The following UBE3D variants were observed in gnomAD, a reference collection of about 807,000 sequenced individuals.
The protein encoded by UBE3D is ubiquitin protein ligase E3D.
In UBE3D, 48 loss-of-function variants were observed where a neutral mutation model predicts 49.6. That is an observed-to-expected ratio of 0.97 (90% CI 0.77 to 1.23). UBE3D has a LOEUF of 1.23. Ranked by LOEUF, UBE3D falls within the 50% of genes most tolerant of loss-of-function variation. The probability of loss-of-function intolerance (pLI) is 0.00; values close to 1 mark genes in which losing one functional copy is unlikely to be tolerated. For missense variants in UBE3D, 452 were observed against 468.4 expected, an observed-to-expected ratio of 0.96 and a Z score of 0.32; for synonymous variants, 189 against 174.2, an observed-to-expected ratio of 1.08 and a Z score of -0.67.
At chr6:82,982,801 G>T (rs974986803) in intron 8 of UBE3D, among the ~76,000 whole-genome samples, 1 of 152,008 alleles carries the variant, frequency 6.6e-6, no homozygotes, top group African/African-American at 2.4e-5. Flanking sequence ...CCAATTCTAC[G>T]CTGTTTTCAT....
At chr6:82,897,246 T>G (rs1021618741) in intron 9 of UBE3D, among the ~76,000 whole-genome samples, 2 of 152,166 alleles carry the variant, frequency 1.3e-5, no homozygotes, top group Admixed American at 1.3e-4. Flanking sequence ...AGGCTGTTTT[T>G]ATGGTGGAAA....
At chr6:83,040,567 GA>G (rs997108233) in intron 4 of UBE3D, among the ~76,000 whole-genome samples, 1 of 152,122 alleles carries the variant, frequency 6.6e-6, no homozygotes, top group African/African-American at 2.4e-5. Flanking sequence ...CTTCTGAGAT[GA>G]ATCCCTTCAT....
At chr6:82,956,964 C>G (rs1269725223) in intron 9 of UBE3D, among the ~76,000 whole-genome samples, 1 of 151,998 alleles carries the variant, frequency 6.6e-6, no homozygotes, top group African/African-American at 2.4e-5. Flanking sequence ...CCTGTCTCTA[C>G]TAAAAACACA....
chr6:82,924,071 T>C (rs1773562810), intron 9 of UBE3D, among the ~76,000 whole-genome samples: 3 of 151,246 alleles, frequency 2.0e-5, no homozygotes, highest in Non-Finnish European at 2.9e-5. Flanking sequence ...GAAGCATGCA[T>C]ATGCACAAGC....
intron 5 of UBE3D, among the ~76,000 whole-genome samples, chr6:83,034,601 G>A (rs562084718): frequency 1.5e-4 from 23 of 152,164 alleles, no homozygotes; most frequent in South Asian, 4.1e-4. Context: ...CATCTCCCCC[G>A]TCTCACGATA....
chr6:83,065,306 A>G (rs1008058323), intron 1 of UBE3D, among the ~76,000 whole-genome samples: 3 of 152,232 alleles, frequency 2.0e-5, no homozygotes, highest in Admixed American at 6.5e-5. Context: ...AACGCCGGGC[A>G]CTGCCAACAG....
chr6:82,972,848 T>C (rs1170234281), intron 8 of UBE3D, among the ~76,000 whole-genome samples: 1 of 152,200 alleles, frequency 6.6e-6, no homozygotes, highest in Non-Finnish European at 1.5e-5. Flanking sequence ...AATACATGTC[T>C]AGTCTATCCT....
chr6:82,985,552 C>T (rs757097689), intron 8 of UBE3D, among the ~76,000 whole-genome samples: 4 of 151,904 alleles, frequency 2.6e-5, no homozygotes, highest in Non-Finnish European at 2.9e-5. Flanking sequence ...TTTGTAGAGA[C>T]GATGTTTCAC....
chr6:82,908,956 C>T (rs1424764169), intron 9 of UBE3D, among the ~76,000 whole-genome samples: 1 of 152,200 alleles, frequency 6.6e-6, no homozygotes, highest in African/African-American at 2.4e-5. Context: ...CAGGAAGCCT[C>T]AGCATTTCAC....
intron 4 of UBE3D, among the ~76,000 whole-genome samples, chr6:83,040,703 A>G (rs1782612144): frequency 6.6e-6 from 1 of 152,186 alleles, no homozygotes. Flanking sequence ...GCACACATGA[A>G]CTTCATAAGT....
chr6:82,883,756 A>T, the UBE3D span, among the ~76,000 whole-genome samples: 1 of 152,208 alleles, frequency 6.6e-6, no homozygotes, highest in East Asian at 1.9e-4. Context: ...TCCCAAACTT[A>T]AAGTTGGTAA....
intron 9 of UBE3D, among the ~76,000 whole-genome samples, chr6:82,930,523 A>T (rs1472830086): frequency 2.6e-5 from 4 of 152,138 alleles, no homozygotes; most frequent in Non-Finnish European, 5.9e-5. Flanking sequence ...AAGATATGGG[A>T]AACTAGAGAC....
intron 8 of UBE3D, among the ~76,000 whole-genome samples, chr6:82,970,069 T>G (rs1777236995): frequency 6.7e-6 from 1 of 148,228 alleles, no homozygotes; most frequent in South Asian, 2.1e-4. Context: ...GAACATGATA[T>G]ACTATTATAT....
chr6:83,035,172 CTA>C (rs1488270402), intron 5 of UBE3D, among the ~76,000 whole-genome samples: 1 of 119,936 alleles, frequency 8.3e-6, no homozygotes, highest in Non-Finnish European at 1.7e-5. Flanking sequence ...CAGAGTGAGA[CTA>C]TGTCTCAAAA....
At chr6:82,907,975 A>G (rs1359997626) in intron 9 of UBE3D, among the ~76,000 whole-genome samples, 1 of 152,188 alleles carries the variant, frequency 6.6e-6, no homozygotes, top group Non-Finnish European at 1.5e-5. Context: ...AAATTGTGGC[A>G]TATTTATTCA....
chr6:83,028,727 A>C (rs1407196288), intron 5 of UBE3D, among the ~76,000 whole-genome samples: 2 of 152,076 alleles, frequency 1.3e-5, no homozygotes, highest in Admixed American at 6.6e-5. Flanking sequence ...TCCTTCCTGT[A>C]GTTTCCAGTT....
chr6:83,060,370 T>C (rs1344750228), intron 1 of UBE3D, among the ~76,000 whole-genome samples: 1 of 152,138 alleles, frequency 6.6e-6, no homozygotes, highest in Non-Finnish European at 1.5e-5. Context: ...GCGAGGAAAC[T>C]AGAATAGACC....
At chr6:82,927,664 T>C (rs1773854676) in intron 9 of UBE3D, among the ~76,000 whole-genome samples, 1 of 152,048 alleles carries the variant, frequency 6.6e-6, no homozygotes. Context: ...ATTTCACTTA[T>C]CCATTGCTGG....
At chr6:82,950,752 C>CA (rs1241624359) in intron 9 of UBE3D, among the ~76,000 whole-genome samples, 1 of 152,164 alleles carries the variant, frequency 6.6e-6, no homozygotes, top group Non-Finnish European at 1.5e-5. Context: ...CACATACACA[C>CA]AATGGAATAC....
Sources: gnomAD v4.1 joint callset for allele counts (sites outside exome capture counted in the v4.1 genomes callset) on GRCh38, gnomAD v4.1.1 for gene constraint, MANE v1.5 for transcripts, NCBI Gene and HGNC (gene_info 2026-07-23, HGNC 2026-07-21) for gene names.